NOS1: variants seen among roughly 807,000 people sequenced by gnomAD.
NOS1 encodes the protein nitric oxide synthase 1.
NOS1 carries 51 observed loss-of-function variants against 164.5 expected under a neutral mutation model. The ratio of observed to expected loss-of-function variants is 0.31; its 90% CI spans 0.25 to 0.39. The LOEUF (loss-of-function observed/expected upper bound fraction) is 0.39, where lower values mean the gene tolerates loss of function less well. NOS1 is among the 10% of genes least tolerant of loss of function. The pLI is 1.00. For missense variants in NOS1, 1,362 were observed against 1,885.6 expected (o/e 0.72, Z 5.14); for synonymous variants, 719 against 745.8 (o/e 0.96, Z 0.59).
chr12:117,290,247 G>A, intron 4 of NOS1, 51 bp downstream of exon 4: 1 of 1,602,432 alleles, frequency 6.2e-7, no homozygotes, highest in Non-Finnish European at 8.5e-7. Context: ...TCCAAATGTG[G>A]ATAGTGATGA....
At chr12:117,244,089 C>T (rs1247565857) in intron 18 of NOS1, among the ~76,000 whole-genome samples, 1 of 152,168 alleles carries the variant, frequency 6.6e-6, no homozygotes, top group African/African-American at 2.4e-5. Context: ...AAGTAAACAT[C>T]TCAGAATTTC....
At chr12:117,329,694 A>G (rs1204964950) in intron 2 of NOS1, among the ~76,000 whole-genome samples, 1 of 152,204 alleles carries the variant, frequency 6.6e-6, no homozygotes, top group Admixed American at 6.5e-5. Context: ...TCTGGCAAAC[A>G]CAGAGGGCTG....
At chr12:117,309,687 C>A (rs1411306613) in intron 3 of NOS1, among the ~76,000 whole-genome samples, 2 of 152,188 alleles carry the variant, frequency 1.3e-5, no homozygotes, top group Non-Finnish European at 2.9e-5. Flanking sequence ...CCAAACCTAG[C>A]CACTCTTTGG....
At chr12:117,260,035 C>T (rs1239330335) in intron 14 of NOS1, among the ~76,000 whole-genome samples, 2 of 150,262 alleles carry the variant, frequency 1.3e-5, no homozygotes, top group Non-Finnish European at 3.0e-5. Flanking sequence ...AGAAGAATGG[C>T]GTGAACCCGG....
chr12:117,299,958 G>C (rs1423945531), intron 3 of NOS1, among the ~76,000 whole-genome samples: 1 of 152,076 alleles, frequency 6.6e-6, no homozygotes, highest in African/African-American at 2.4e-5. Context: ...CATCAATCCT[G>C]TAATTATCTC....
chr12:117,283,855 C>CA (rs61448842), intron 7 of NOS1, among the ~76,000 whole-genome samples: 2,904 of 62,728 alleles, frequency 0.046, 188 homozygotes, highest in African/African-American at 0.14. Context: ...GACTCTGTCT[C>CA]AAAAAAAAAA....
chr12:117,219,795 G>C (rs1248726317), intron 27 of NOS1, among the ~76,000 whole-genome samples: 2 of 152,158 alleles, frequency 1.3e-5, no homozygotes, highest in Admixed American at 6.5e-5. Context: ...AGTTAGGTTA[G>C]AATGGTTTCT....
Position 117,212,129 on chromosome 12 carries a change from G to GC in NOS1, c.*3179dup, listed in dbSNP as rs1278700271. On this transcript the variant is annotated 3_prime_UTR_variant, in exon 29 of 29. Coordinates refer to ENST00000317775, the MANE Select transcript of NOS1 (RefSeq NM_000620.5). ...TGTGTTTTGCTTATCTCTGCAAACT[G>GC]CCCGGTGCCTTCCACACACTGGAGA... is the stretch of plus-strand genomic sequence containing the variant. 19 of 985,280 alleles carry GC rather than the reference G, an allele frequency of 1.9e-5. No homozygotes were observed. The South Asian group carries it at 3.8e-4, about 19-fold the overall frequency. 61.0% of individuals were successfully genotyped at this position (985,280 alleles called of 1,614,324 possible). A position where few individuals can be genotyped will look rare whatever the true frequency, so the allele number is the denominator to read the frequency against.
chr12:117,347,699 C>A (rs983221585), intron 1 of NOS1, among the ~76,000 whole-genome samples: 1 of 152,160 alleles, frequency 6.6e-6, no homozygotes, highest in African/African-American at 2.4e-5. Flanking sequence ...TTGATGGGAT[C>A]CCCACCTCCG....
chr12:117,262,009 G>C (rs1871944494), intron 13 of NOS1, among the ~76,000 whole-genome samples: 1 of 152,154 alleles, frequency 6.6e-6, no homozygotes. Context: ...CCTCCCTGTT[G>C]TAACTAGAAA....
chr12:117,239,080 G>A (rs1016372962), intron 20 of NOS1, among the ~76,000 whole-genome samples: 9 of 152,202 alleles, frequency 5.9e-5, no homozygotes, highest in African/African-American at 1.7e-4. Context: ...TGACCCAGGC[G>A]AGGGAGAGAG....
chr12:117,210,453 C>T lies in NOS1; in HGVS notation c.*4856G>A, dbSNP rs1592912811. ...ACAGAAGGCTTTGAGGACATGGTGG[C>T]CACAGCGGCATGCTGGGTATGTGGG... is the stretch of plus-strand genomic sequence containing the variant. On this transcript the variant is annotated 3_prime_UTR_variant, in exon 29 of 29. Coordinates refer to ENST00000317775, the MANE Select transcript of NOS1 (RefSeq NM_000620.5). 3 of 985,454 alleles carry T rather than the reference C, an allele frequency of 3.0e-6. No homozygotes were observed. Among genetic ancestry groups the T allele is most frequent in the Non-Finnish European group, 2.4e-6 (2 of 829,980 alleles). 61.0% of individuals were successfully genotyped at this position (985,454 alleles called of 1,614,324 possible). A position where few individuals can be genotyped will look rare whatever the true frequency, so the allele number is the denominator to read the frequency against.
chr12:117,243,978 T>C lies in NOS1; in HGVS notation c.2824-543A>G, dbSNP rs1450463485. 2.0e-5 allele frequency among the ~76,000 whole-genome samples: 3 copies of C among 152,236 alleles called. No homozygotes were observed. Among genetic ancestry groups the C allele is most frequent in the African/African-American group, 7.2e-5 (3 of 41,452 alleles). Reference sequence around the variant, plus strand: ...TCTGCGATGTGCTGGACACGTCGGATTTGACATTGACTTTAGGACCTAACC... The same window carrying C: ...TCTGCGATGTGCTGGACACGTCGGACTTGACATTGACTTTAGGACCTAACC... On this transcript the variant is annotated intron_variant, in intron 18 of 28. Transcript: ENST00000317775. The surrounding 1 kb of genome is among the most constrained non-coding windows in gnomAD (Gnocchi z 4.3).
intron 3 of NOS1, among the ~76,000 whole-genome samples, chr12:117,298,156 T>G (rs1873552447): frequency 6.6e-6 from 1 of 151,832 alleles, no homozygotes; most frequent in Admixed American, 6.6e-5. Context: ...CTGAGCTTGT[T>G]TTCTGCAACT....
intron 17 of NOS1, among the ~76,000 whole-genome samples, chr12:117,248,246 G>A (rs1275852232): frequency 6.6e-6 from 1 of 151,440 alleles, no homozygotes; most frequent in East Asian, 1.9e-4. Flanking sequence ...TGCACCATGT[G>A]TAGGTTAGTT....
At chr12:117,342,269 A>T (rs1333953022) in intron 1 of NOS1, among the ~76,000 whole-genome samples, 1 of 152,174 alleles carries the variant, frequency 6.6e-6, no homozygotes, top group African/African-American at 2.4e-5. Flanking sequence ...GGTGGATAAG[A>T]TAGACAGCAT....
At chr12:117,218,233 T>A in intron 27 of NOS1, 69 bp from the exon 28 acceptor site, 1 of 1,103,254 alleles carries the variant, frequency 9.1e-7, no homozygotes, top group Non-Finnish European at 1.4e-6. Context: ...GGGGCAGACT[T>A]GCCTGACACC....
chr12:117,275,514 G>T (rs1248138914), intron 9 of NOS1, among the ~76,000 whole-genome samples: 2 of 152,124 alleles, frequency 1.3e-5, no homozygotes, highest in African/African-American at 4.8e-5. Context: ...GAGGGAGAAG[G>T]GAGAATGGGG....
At chr12:117,302,212 C>T in intron 3 of NOS1, 1 of 400,758 alleles carries the variant, frequency 2.5e-6, no homozygotes, top group Non-Finnish European at 5.0e-6. Flanking sequence ...ACATCATTAT[C>T]TCATACATTA....
Sources: allele counts gnomAD v4.1 joint callset (sites outside exome capture counted in the v4.1 genomes callset), GRCh38; gene constraint gnomAD v4.1.1; non-coding constraint Gnocchi (gnomAD v3.1); transcripts MANE v1.5; gene names NCBI Gene and HGNC (gene_info 2026-07-23, HGNC 2026-07-21).